PCDH9: variants seen among roughly 807,000 people sequenced by gnomAD.
The protein encoded by PCDH9 is protocadherin-9.
A neutral mutation model predicts 70.6 loss-of-function variants in PCDH9; 24 were observed. The observed-to-expected ratio is 0.34, with a 90% CI of 0.25 to 0.48. The LOEUF (loss-of-function observed/expected upper bound fraction) is 0.48, where lower values mean the gene tolerates loss of function less well. PCDH9 is among the 20% of genes least tolerant of loss of function. The probability of loss-of-function intolerance (pLI) is 0.99; values close to 1 mark genes in which losing one functional copy is unlikely to be tolerated. For synonymous variants in PCDH9, 562 were observed against 558.5 expected (o/e 1.01, Z -0.09); for missense variants, 1,281 against 1,503.6 (o/e 0.85, Z 2.45).
At position 67,226,044 on chromosome 13, in the gene PCDH9, G is replaced by C; in HGVS notation, c.2397C>G (p.Asn799Lys). The change falls in exon 2 of 5, where the codon AAC becomes AAG. Residue 799 changes from asparagine to lysine, a missense_variant. By Grantham distance (94) the Asn-to-Lys change is moderately conservative. This residue lies in a region of PCDH9 where 798 missense variants were observed against 1,003.1 expected (regional missense o/e 0.80). Transcript: ENST00000377865. The surrounding 1 kb of genome is among the most constrained non-coding windows in gnomAD (Gnocchi z 5.0). ...RRTMETPLDR[N>K]IGDSSQPYQN... ...GATAGGGTTGGCTACTATCCCCTATGTTCCTGTCCAACGGGGTCTCCATAG... is the reference window on the plus strand; with the variant it reads ...GATAGGGTTGGCTACTATCCCCTATCTTCCTGTCCAACGGGGTCTCCATAG... 6.2e-7 allele frequency: 1 copy of C among 1,614,048 alleles called. No individual in the cohort carries two copies. The highest frequency in any genetic ancestry group is 8.5e-7 in the Non-Finnish European group (1 of 1,179,960).
At chr13:66,978,792 A>T (rs948396832) in intron 2 of PCDH9, among the ~76,000 whole-genome samples, 1 of 113,028 alleles carries the variant, frequency 8.8e-6, no homozygotes, top group African/African-American at 3.2e-5. Flanking sequence ...CTTCATATAT[A>T]TGTACATAAA....
chr13:66,751,197 G>T (rs1204520914), intron 3 of PCDH9, among the ~76,000 whole-genome samples: 2 of 151,932 alleles, frequency 1.3e-5, no homozygotes, highest in African/African-American at 4.8e-5. Flanking sequence ...AGAGCAAATA[G>T]ACTGCAATTG....
At chr13:66,861,589 AT>A (rs1361158588) in intron 3 of PCDH9, among the ~76,000 whole-genome samples, 1 of 152,160 alleles carries the variant, frequency 6.6e-6, no homozygotes, top group Non-Finnish European at 1.5e-5. Context: ...AGTTTAATAG[AT>A]TTCATATTTA....
Position 66,451,630 on chromosome 13 carries a change from A to G in PCDH9, c.3341-146602T>C, listed in dbSNP as rs181081058. Among the ~76,000 whole-genome samples, 344 of 152,346 alleles carry G rather than the reference A, an allele frequency of 2.3e-3. 2 individuals are homozygous for G. The highest frequency in any genetic ancestry group is 4.2e-3 in the Admixed American group (65 of 15,304). ...CTAGCACATCCAAAAATTGTTTACA[A>G]ATGAGGAATCTAAGGTTCAGAAAGA... On this transcript the variant is annotated intron_variant, in intron 4 of 4. Coordinates refer to ENST00000377865, the MANE Select transcript of PCDH9 (RefSeq NM_203487.3).
At chr13:66,324,619 C>T (rs1955810955) in intron 4 of PCDH9, among the ~76,000 whole-genome samples, 1 of 151,918 alleles carries the variant, frequency 6.6e-6, no homozygotes, top group Non-Finnish European at 1.5e-5. Context: ...GAAAATGCAG[C>T]CATTGGCCAT....
At chr13:66,841,983 A>G (rs908343952) in intron 3 of PCDH9, among the ~76,000 whole-genome samples, 7 of 152,156 alleles carry the variant, frequency 4.6e-5, no homozygotes, top group African/African-American at 1.7e-4. Flanking sequence ...GAACAGCTGG[A>G]GGTGAGGATG....
At chr13:66,419,780 TC>T (rs1050752706) in intron 4 of PCDH9, among the ~76,000 whole-genome samples, 6 of 133,282 alleles carry the variant, frequency 4.5e-5, no homozygotes, top group African/African-American at 5.6e-5. Flanking sequence ...TTTTTTTTTT[TC>T]CCCCAGTGGC....
At chr13:67,087,118 A>G (rs1267936455) in intron 2 of PCDH9, among the ~76,000 whole-genome samples, 1 of 150,036 alleles carries the variant, frequency 6.7e-6, no homozygotes, top group African/African-American at 2.4e-5. Context: ...AAATTAAAGG[A>G]TACAGAACAG....
At chr13:67,155,688 T>C (rs1000657078) in intron 2 of PCDH9, among the ~76,000 whole-genome samples, 19 of 152,062 alleles carry the variant, frequency 1.2e-4, no homozygotes, top group African/African-American at 4.3e-4. Context: ...AAAGGAAATA[T>C]AGAGAACACT....
Position 66,659,163 on chromosome 13 carries a change from T to C in PCDH9, c.3139-27752A>G, listed in dbSNP as rs532977373. On this transcript the variant is annotated intron_variant, in intron 3 of 4. Transcript: ENST00000377865. Reference sequence around the variant, plus strand: ...AAATGATAATAATAACAAAAATATATTAAATGGCCAATGCAATGGAAAATC... The same window carrying C: ...AAATGATAATAATAACAAAAATATACTAAATGGCCAATGCAATGGAAAATC... Among the ~76,000 whole-genome samples the C allele has an allele frequency of 4.6e-5, 7 of 152,214 alleles. No homozygotes were observed. In the South Asian group the frequency reaches 1.5e-3, roughly 32 times the overall value.
intron 4 of PCDH9, among the ~76,000 whole-genome samples, chr13:66,433,792 C>T (rs1208953616): frequency 1.3e-5 from 2 of 151,722 alleles, no homozygotes; most frequent in African/African-American, 2.4e-5. Flanking sequence ...CATATACTCT[C>T]ATATTAGGAA....
intron 3 of PCDH9, among the ~76,000 whole-genome samples, chr13:66,749,517 G>A (rs1403217387): frequency 6.6e-6 from 1 of 152,020 alleles, no homozygotes; most frequent in Admixed American, 6.6e-5. Flanking sequence ...TAGAGTCCAA[G>A]GGACATAATT....
intron 2 of PCDH9, among the ~76,000 whole-genome samples, chr13:66,917,912 C>T (rs1019834240): frequency 1.3e-5 from 2 of 151,290 alleles, no homozygotes; most frequent in African/African-American, 4.8e-5. Flanking sequence ...CATTCCCTCT[C>T]CCCTACAAAA....
At chr13:66,988,664 G>C (rs1277897275) in intron 2 of PCDH9, among the ~76,000 whole-genome samples, 1 of 151,950 alleles carries the variant, frequency 6.6e-6, no homozygotes, top group Non-Finnish European at 1.5e-5. Flanking sequence ...ACAAATGAAA[G>C]AATGAGGAAA....
chr13:66,476,062 G>A (rs1035761240), intron 4 of PCDH9, among the ~76,000 whole-genome samples: 5 of 152,040 alleles, frequency 3.3e-5, no homozygotes, highest in African/African-American at 1.2e-4. Flanking sequence ...CTTCCTTGGT[G>A]AGAACTGGGT....
intron 3 of PCDH9, among the ~76,000 whole-genome samples, chr13:66,665,239 T>A (rs1437975735): frequency 6.6e-6 from 1 of 151,776 alleles, no homozygotes; most frequent in African/African-American, 2.4e-5. Flanking sequence ...CCCAAGTAGC[T>A]AGGTGCCTGC....
intron 4 of PCDH9, among the ~76,000 whole-genome samples, chr13:66,532,629 G>C (rs1158642135): frequency 6.6e-6 from 1 of 152,092 alleles, no homozygotes; most frequent in Non-Finnish European, 1.5e-5. Context: ...TGCAACCTCT[G>C]ACTCCTGGGT....
At chr13:66,782,234 A>G (rs1007669790) in intron 3 of PCDH9, among the ~76,000 whole-genome samples, 1 of 152,208 alleles carries the variant, frequency 6.6e-6, no homozygotes, top group East Asian at 1.9e-4. Flanking sequence ...TTGGAATTAG[A>G]AGAATTTTAA....
chr13:66,331,103 A>G (rs1252156158), intron 4 of PCDH9, among the ~76,000 whole-genome samples: 1 of 152,140 alleles, frequency 6.6e-6, no homozygotes, highest in Non-Finnish European at 1.5e-5. Flanking sequence ...TGTGAAGAGA[A>G]AGTTTGTATG....
Sources: gnomAD v4.1 joint callset for allele counts (sites outside exome capture counted in the v4.1 genomes callset) on GRCh38, gnomAD v4.1.1 for gene constraint, gnomAD v4.1.1 regional missense constraint, Gnocchi (gnomAD v3.1) non-coding constraint, MANE v1.5 for transcripts, NCBI Gene and HGNC (gene_info 2026-07-23, HGNC 2026-07-21) for gene names.